The following IMMP2L variants were observed in gnomAD, a reference collection of about 807,000 sequenced individuals.
IMMP2L encodes inner mitochondrial membrane peptidase subunit 2.
Under a neutral mutation model 19.3 loss-of-function variants are expected in IMMP2L, and 18 were observed. The observed-to-expected ratio is 0.93, with a 90% CI of 0.64 to 1.38. The LOEUF (loss-of-function observed/expected upper bound fraction) is 1.38. Among genes scored for constraint, IMMP2L ranks in the 40% most tolerant of loss-of-function variants. IMMP2L has a pLI of 0.00. For synonymous variants in IMMP2L, 76 were observed against 73.0 expected (o/e 1.04, Z -0.21); for missense variants, 233 against 218.2 (o/e 1.07, Z -0.43).
intron 3 of IMMP2L, among the ~76,000 whole-genome samples, chr7:111,243,525 T>C (rs1049660497): frequency 2.3e-4 from 34 of 148,750 alleles, no homozygotes; most frequent in African/African-American, 7.1e-4. Flanking sequence ...TTTTTTTTTT[T>C]TTTATTATAC....
intron 3 of IMMP2L, among the ~76,000 whole-genome samples, chr7:111,070,769 C>G (rs1285818172): frequency 6.6e-6 from 1 of 152,110 alleles, no homozygotes; most frequent in African/African-American, 2.4e-5. Flanking sequence ...TTAACTGAAC[C>G]TTAGATACTT....
chr7:111,449,214 C>T (rs1374973316), intron 3 of IMMP2L, among the ~76,000 whole-genome samples: 1 of 144,912 alleles, frequency 6.9e-6, no homozygotes, highest in Admixed American at 6.8e-5. Flanking sequence ...TTTTATGAGG[C>T]CAGCATCATT....
chr7:111,378,359 T>C (rs568403102), intron 3 of IMMP2L, among the ~76,000 whole-genome samples: 2 of 152,170 alleles, frequency 1.3e-5, no homozygotes, highest in African/African-American at 4.8e-5. Flanking sequence ...TTAGTCAACA[T>C]TTTATAATTG....
chr7:110,699,809 A>G (rs192998826), intron 5 of IMMP2L, among the ~76,000 whole-genome samples: 1 of 151,872 alleles, frequency 6.6e-6, no homozygotes, highest in Admixed American at 6.6e-5. Flanking sequence ...TCTCATGATT[A>G]TATTGTTACA....
chr7:111,044,653 A>G (rs768591027), intron 3 of IMMP2L, among the ~76,000 whole-genome samples: 14 of 152,220 alleles, frequency 9.2e-5, no homozygotes, highest in Non-Finnish European at 1.6e-4. Context: ...ATCTACTGTC[A>G]TATTTCTTAA....
intron 1 of IMMP2L, among the ~76,000 whole-genome samples, chr7:111,556,037 C>CTATATATAT: frequency 9.2e-6 from 1 of 108,256 alleles, no homozygotes; most frequent in East Asian, 3.1e-4. Context: ...TATATATATA[C>CTATATATAT]ATACCCAAAG....
intron 5 of IMMP2L, among the ~76,000 whole-genome samples, chr7:110,806,531 T>G (rs1173938405): frequency 6.6e-6 from 1 of 152,018 alleles, no homozygotes; most frequent in Non-Finnish European, 1.5e-5. Flanking sequence ...ACAGATAATC[T>G]TCTTTCCTAT....
intron 5 of IMMP2L, among the ~76,000 whole-genome samples, chr7:110,779,859 G>A (rs1274513340): frequency 1.3e-5 from 2 of 151,748 alleles, no homozygotes; most frequent in African/African-American, 4.8e-5. Flanking sequence ...AAATACAGGA[G>A]TAAAGTTCCT....
At chr7:111,445,797 G>A (rs199936457) in intron 3 of IMMP2L, among the ~76,000 whole-genome samples, 5 of 152,074 alleles carry the variant, frequency 3.3e-5, no homozygotes, top group East Asian at 1.9e-4. Context: ...CTGAGGTACC[G>A]GGTTCATCTC....
intron 5 of IMMP2L, among the ~76,000 whole-genome samples, chr7:110,694,195 G>GAA (rs201604392): frequency 6.7e-6 from 1 of 149,938 alleles, no homozygotes; most frequent in African/African-American, 2.5e-5. Flanking sequence ...TTTGAACAAA[G>GAA]AAAAAAAAAT....
Position 110,902,868 on chromosome 7 carries a change from C to G in IMMP2L, c.306-16173G>C, listed in dbSNP as rs1205617546. ...AATGGCGTGAACCCGGGAGGCGGAG[C>G]ATGCAGTGAGCCGAGATTGCGCCAC... On this transcript the variant is annotated intron_variant, in intron 4 of 5. Coordinates refer to ENST00000405709, the MANE Select transcript of IMMP2L (RefSeq NM_032549.4). 1.1e-4 allele frequency among the ~76,000 whole-genome samples: 4 copies of G among 35,680 alleles called. 2 individuals carry two copies. The highest frequency in any genetic ancestry group is 1.8e-4 in the Non-Finnish European group (4 of 22,594). 23.4% of individuals were successfully genotyped at this position (35,680 alleles called of 152,430 possible).
chr7:110,840,569 T>C (rs1232531239), intron 5 of IMMP2L, among the ~76,000 whole-genome samples: 2 of 152,138 alleles, frequency 1.3e-5, no homozygotes, highest in Non-Finnish European at 2.9e-5. Flanking sequence ...TGGAAAAAGG[T>C]AGAAAATTAC....
At chr7:110,738,537 A>G (rs1350030268) in intron 5 of IMMP2L, among the ~76,000 whole-genome samples, 1 of 152,232 alleles carries the variant, frequency 6.6e-6, no homozygotes, top group African/African-American at 2.4e-5. Flanking sequence ...AAGAATTTTA[A>G]AAAATGAACA....
intron 3 of IMMP2L, among the ~76,000 whole-genome samples, chr7:111,423,350 T>G (rs553593999): frequency 6.6e-6 from 1 of 151,926 alleles, no homozygotes; most frequent in East Asian, 1.9e-4. Context: ...GGTCCTGGAC[T>G]TTTTTTGTTT....
chr7:111,328,829 T>C (rs1275826412), intron 3 of IMMP2L, among the ~76,000 whole-genome samples: 2 of 151,838 alleles, frequency 1.3e-5, no homozygotes, highest in East Asian at 1.9e-4. Context: ...TAAACATACA[T>C]AGTTTTCTCA....
At chr7:111,475,157 A>T (rs1841610462) in intron 3 of IMMP2L, among the ~76,000 whole-genome samples, 1 of 152,160 alleles carries the variant, frequency 6.6e-6, no homozygotes, top group Non-Finnish European at 1.5e-5. Flanking sequence ...TATTAATGTA[A>T]CCTCTGAGTA....
intron 3 of IMMP2L, among the ~76,000 whole-genome samples, chr7:111,341,506 C>A (rs959560856): frequency 5.3e-5 from 8 of 152,072 alleles, no homozygotes; most frequent in African/African-American, 1.7e-4. Flanking sequence ...CACACCTAAA[C>A]ATATATAAAT....
intron 5 of IMMP2L, among the ~76,000 whole-genome samples, chr7:110,863,936 T>A (rs373846715): frequency 1.3e-5 from 2 of 152,050 alleles, no homozygotes; most frequent in East Asian, 1.9e-4. Flanking sequence ...ACAGGGAGAA[T>A]TGAAACAGTA....
intron 3 of IMMP2L, among the ~76,000 whole-genome samples, chr7:111,284,558 G>C (rs1389087796): frequency 6.6e-6 from 1 of 152,182 alleles, no homozygotes; most frequent in African/African-American, 2.4e-5. Context: ...GAAAACCGTA[G>C]TGCTGACAAT....
Sources: allele counts gnomAD v4.1 joint callset (sites outside exome capture counted in the v4.1 genomes callset), GRCh38; gene constraint gnomAD v4.1.1; transcripts MANE v1.5; gene names NCBI Gene and HGNC (gene_info 2026-07-23, HGNC 2026-07-21).